WDR62: variants seen among roughly 807,000 people sequenced by gnomAD.
The protein encoded by WDR62 is WD repeat-containing protein 62.
In WDR62, 112 loss-of-function variants were observed where a neutral mutation model predicts 160.6. The ratio of observed to expected loss-of-function variants is 0.70; its 90% CI spans 0.60 to 0.82. The LOEUF (loss-of-function observed/expected upper bound fraction) is 0.82. Ranked by LOEUF, WDR62 falls within the 40% of genes least tolerant of loss-of-function variation. The pLI, the probability that WDR62 is intolerant of heterozygous loss-of-function variation, is 0.00. For missense variants in WDR62, 1,819 were observed against 1,983.8 expected, an observed-to-expected ratio of 0.92 and a Z score of 1.58; for synonymous variants, 792 against 815.1, an observed-to-expected ratio of 0.97 and a Z score of 0.48.
intron 9 of WDR62, chr19:36,074,190 CAA>C (rs1447052223): frequency 1.7e-5 from 3 of 175,812 alleles, no homozygotes; most frequent in South Asian, 1.3e-4. Context: ...CCCAGCTACT[CAA>C]GAGGTGGAGG....
chr19:36,093,988 T>A (rs763091359), intron 19 of WDR62, 43 bp from the exon 20 acceptor site: 54 of 1,611,660 alleles, frequency 3.4e-5, no homozygotes, highest in Non-Finnish European at 4.2e-5. Flanking sequence ...CACCAGCCCA[T>A]TTGCCTGTAT....
In WDR62 at chr19:36,104,656, C is replaced by T; in HGVS notation, c.4292C>T (p.Ala1431Val). 6.2e-7 allele frequency: 1 copy of T among 1,614,104 alleles called. No homozygotes were observed. Among genetic ancestry groups the T allele is most frequent in the South Asian group, 1.1e-5 (1 of 91,080 alleles). ...LHRLQTTFQEALDLYRVLVSS... is the reference protein window; with the variant it reads ...LHRLQTTFQEVLDLYRVLVSS... ...AGGCTGCAGACCACCTTCCAAGAAGCCCTCGACCTTTACCGTGTGGTGAGC... is the reference window on the plus strand; with the variant it reads ...AGGCTGCAGACCACCTTCCAAGAAGTCCTCGACCTTTACCGTGTGGTGAGC... The change falls in exon 31 of 32, where the codon GCC becomes GTC. Residue 1431 changes from alanine to valine, a missense_variant. Ala to Val is a moderately conservative substitution (Grantham distance 64). This residue lies in a region of WDR62 where 770 missense variants were observed against 734.2 expected (regional missense o/e 1.05). Transcript: ENST00000401500.
rs1392806686 is a variant in WDR62, at chr19:36,102,115, C to T, written c.3184C>T (p.His1062Tyr). The change falls in exon 26 of 32, where the codon CAC becomes TAC. Residue 1062 changes from histidine to tyrosine, a missense_variant. By Grantham distance (83) the His-to-Tyr change is moderately conservative. Coordinates refer to ENST00000401500, the MANE Select transcript of WDR62 (RefSeq NM_001083961.2). ...QTPEQEKFLRHHFETLTESPC... is the reference protein window; with the variant it reads ...QTPEQEKFLRYHFETLTESPC... ...TCCGGAGCAGGAGAAGTTCCTCCGC[C>T]ACCACTTTGAGACACTGACTGAGTC... 6.2e-7 allele frequency: 1 copy of T among 1,614,040 alleles called. No homozygotes were observed.
rs1236777986 is a variant in WDR62 at position 36,056,346 on chromosome 19, T to C, written c.177+1198T>C. Among the ~76,000 whole-genome samples the C allele has an allele frequency of 3.9e-5, 6 of 152,202 alleles. No homozygotes were observed. The East Asian group carries it at 9.6e-4, about 24-fold the overall frequency. ...TACCGCCCACTCCTGGCTACAGGGC[T>C]CTGGCTGTACCTCCCATGTGCTCTC... On this transcript the variant is annotated intron_variant, in intron 1 of 31. Transcript: ENST00000401500.
rs886054360 is a variant in WDR62 at position 36,102,968 on chromosome 19, C to T, written c.3356C>T (p.Pro1119Leu). The T allele has an allele frequency of 5.0e-6, 8 of 1,614,064 alleles. No homozygotes were observed. The highest frequency in any genetic ancestry group is 2.2e-5 in the East Asian group (1 of 44,896). Residue 1119 changes from proline (P) to leucine (L), a missense_variant, in exon 28 of 32, where the codon CCC becomes CTC. This residue lies in a region of WDR62 where 770 missense variants were observed against 734.2 expected (regional missense o/e 1.05). Transcript: ENST00000401500. ...CACAGGTTCACCCATACCTTCCCTC[C>T]CCGGGCAACCCAGTGCCTTGTGAAG... ...KASRFTHTFP[P>L]RATQCLVKSP...
chr19:36,067,732 T>G (rs1971018050), intron 6 of WDR62, 96 bp from the exon 7 acceptor site: 6 of 1,399,704 alleles, frequency 4.3e-6, no homozygotes, highest in African/African-American at 1.4e-5. Context: ...TTGGAAGAGC[T>G]TCTTAGAGTT....
chr19:36,068,051 C>T, intron 7 of WDR62, 41 bp downstream of exon 7: 1 of 1,591,276 alleles, frequency 6.3e-7, no homozygotes. Flanking sequence ...CAGACTCTTT[C>T]TCGTGATATG....
intron 1 of WDR62, 46 bp downstream of exon 1, chr19:36,055,194 G>A (rs1320240272): frequency 4.5e-6 from 7 of 1,563,198 alleles, no homozygotes; most frequent in South Asian, 1.2e-5. Flanking sequence ...GGCTTCCTAG[G>A]TTTCCCCTAG....
Position 36,103,532 on chromosome 19 carries a change from G to A in WDR62, c.3704G>A (p.Gly1235Asp), listed in dbSNP as rs1973524937. Residue 1235 changes from glycine to aspartate, a missense_variant, in exon 30 of 32, where the codon GGT becomes GAT. Physicochemically the swap from Gly to Asp is moderately conservative, Grantham distance 94. Transcript: ENST00000401500. ...RARISRSISL[G>D]DSEGPIVATL... ...AGGATATCACGCAGCATCTCCCTCG[G>A]TGACAGTGAGGGCCCTATCGTGGCC... 6.2e-6 allele frequency: 10 copies of A among 1,614,106 alleles called. No homozygotes were observed. Among genetic ancestry groups the A allele is most frequent in the Non-Finnish European group, 8.5e-6 (10 of 1,180,042 alleles).
intron 12 of WDR62, 112 bp from the exon 13 acceptor site, chr19:36,086,572 TGAA>T: frequency 7.3e-7 from 1 of 1,369,978 alleles, no homozygotes; most frequent in Non-Finnish European, 1.0e-6. Flanking sequence ...TGGCTACAGT[TGAA>T]GAACCAAAGA....
Position 36,089,769 on chromosome 19 carries a change from G to A in WDR62, c.1958+463G>A, listed in dbSNP as rs369382657. Among the ~76,000 whole-genome samples, 7 of 152,290 alleles carry A rather than the reference G, an allele frequency of 4.6e-5. No individual in the cohort carries two copies. In the East Asian group the frequency reaches 1.4e-3, roughly 29 times the overall value. On this transcript the variant is annotated intron_variant, in intron 15 of 31. Transcript: ENST00000401500. The stretch of plus-strand genomic sequence containing the variant: ...ACCAGCAGGTATTTCTTAGAAGCTG[G>A]GCTCTCCCAAGCCTGGCCTCCAGGT...
chr19:36,096,131 C>G (rs902433749), intron 20 of WDR62, among the ~76,000 whole-genome samples: 1 of 152,142 alleles, frequency 6.6e-6, no homozygotes, highest in African/African-American at 2.4e-5. Context: ...ATTTTTGTTG[C>G]CCAGGCTGGA....
downstream of WDR62, among the ~76,000 whole-genome samples, chr19:36,106,052 T>A (rs967014450): frequency 1.3e-5 from 2 of 152,236 alleles, no homozygotes; most frequent in Non-Finnish European, 2.9e-5. Context: ...CAGGCAGGCT[T>A]GCCCACTGTA....
intron 8 of WDR62, 23 bp from the exon 9 acceptor site, chr19:36,073,319 G>A (rs377424538): frequency 1.1e-5 from 17 of 1,613,486 alleles, no homozygotes; most frequent in Non-Finnish European, 1.4e-5. Context: ...GATGGTGATT[G>A]ATTACCCATG....
At chr19:36,088,696 T>C (rs1972403223) in intron 13 of WDR62, among the ~76,000 whole-genome samples, 2 of 152,202 alleles carry the variant, frequency 1.3e-5, no homozygotes, top group Admixed American at 1.3e-4. Flanking sequence ...TCCCAGCCTG[T>C]CTCCACTGGT....
downstream of WDR62, among the ~76,000 whole-genome samples, chr19:36,107,333 G>A (rs1260466201): frequency 6.6e-6 from 1 of 152,168 alleles, no homozygotes; most frequent in Non-Finnish European, 1.5e-5. Flanking sequence ...TGAAGTGCCT[G>A]GCATAAGCCT....
chr19:36,092,172 G>A (rs1308275732), intron 18 of WDR62, among the ~76,000 whole-genome samples: 1 of 151,990 alleles, frequency 6.6e-6, no homozygotes, highest in Non-Finnish European at 1.5e-5. Context: ...TTAGCTGTGC[G>A]TGGTGGCAGG....
chr19:36,104,708 A>AG, intron 31 of WDR62, 33 bp downstream of exon 31: 1 of 1,613,940 alleles, frequency 6.2e-7, no homozygotes, highest in Non-Finnish European at 8.5e-7. Context: ...GAAAGGGTTG[A>AG]GGGGTCTCTT....
intron 27 of WDR62, 36 bp downstream of exon 27, chr19:36,102,887 C>T: frequency 6.2e-7 from 1 of 1,613,960 alleles, no homozygotes; most frequent in South Asian, 1.1e-5. Context: ...CCCTCTGGCT[C>T]CTCAACAGTG....
Sources: allele counts gnomAD v4.1 joint callset (sites outside exome capture counted in the v4.1 genomes callset), GRCh38; gene constraint gnomAD v4.1.1; regional missense constraint gnomAD v4.1.1; transcripts MANE v1.5; gene names NCBI Gene and HGNC (gene_info 2026-07-23, HGNC 2026-07-21).